The following AKAP11 variants were observed in gnomAD, a reference collection of about 807,000 sequenced individuals.
AKAP11 encodes A-kinase anchoring protein 11, also known as A-kinase anchor protein 11.
In AKAP11, 36 loss-of-function variants were observed where a neutral mutation model predicts 146.1. That is an observed-to-expected ratio of 0.25 (90% CI 0.19 to 0.33). The LOEUF (loss-of-function observed/expected upper bound fraction) is 0.33, where lower values mean the gene tolerates loss of function less well. Among genes scored for constraint, AKAP11 ranks in the 10% least tolerant of loss-of-function variants. The pLI is 1.00. For synonymous variants in AKAP11, 780 were observed against 786.5 expected, an observed-to-expected ratio of 0.99 and a Z score of 0.14; for missense variants, 2,201 against 2,197.0, an observed-to-expected ratio of 1.00 and a Z score of -0.04.
intron 3 of AKAP11, among the ~76,000 whole-genome samples, chr13:42,286,989 G>A (rs1009952803): frequency 1.3e-5 from 2 of 152,132 alleles, no homozygotes; most frequent in African/African-American, 4.8e-5. Flanking sequence ...TCTTTTTCTG[G>A]ACTTCATCTT....
At chr13:42,318,695 A>G (rs927192709) in intron 12 of AKAP11, among the ~76,000 whole-genome samples, 3 of 152,230 alleles carry the variant, frequency 2.0e-5, no homozygotes, top group Admixed American at 6.5e-5. Flanking sequence ...GAAAATCCAC[A>G]TCCTTTTATT....
rs987322291 is a variant in AKAP11, at chr13:42,279,492, A to G, written c.-99-6494A>G. Among the ~76,000 whole-genome samples the G allele has an allele frequency of 5.9e-5, 9 of 152,256 alleles. 1 individual carries two copies. Among genetic ancestry groups the G allele is most frequent in the Admixed American group, 5.2e-4 (8 of 15,300 alleles). On this transcript the variant is annotated intron_variant, in intron 1 of 12. Transcript: ENST00000025301. ...CTAGTTTAATCTGTTAATTGTATCC[A>G]GTATGGTTTTCGTTTCAGTATATTT...
chr13:42,273,172 C>G (rs1246836299), intron 1 of AKAP11, among the ~76,000 whole-genome samples: 1 of 152,054 alleles, frequency 6.6e-6, no homozygotes, highest in African/African-American at 2.4e-5. Flanking sequence ...TAGCTGCTTC[C>G]CACTGTTTTA....
intron 1 of AKAP11, among the ~76,000 whole-genome samples, chr13:42,280,891 C>T (rs1344023225): frequency 1.3e-5 from 2 of 152,164 alleles, no homozygotes; most frequent in Non-Finnish European, 2.9e-5. Flanking sequence ...GCGAGGTAGT[C>T]TGTAGGAATT....
In AKAP11 at chr13:42,298,625, T is replaced by C; in HGVS notation, c.444T>C (p.Tyr148=). 15 of 1,612,418 alleles carry C rather than the reference T, an allele frequency of 9.3e-6. No homozygotes were observed. The highest frequency in any genetic ancestry group is 1.3e-5 in the Non-Finnish European group (15 of 1,179,354). ...TTATCTTTAGTCTCCTAAGTAAATA[T>C]GCTACTGGTATAAGGTACACCTTGG... ...IDFIFSLLSK[Y]ATGIRYTLDT... is the part of the protein sequence containing the mutation. Residue 148 remains tyrosine (Y), a synonymous_variant, in exon 7 of 13, where the codon TAT becomes TAC. Coordinates refer to ENST00000025301, the MANE Select transcript of AKAP11 (RefSeq NM_016248.4).
Position 42,300,440 on chromosome 13 carries a change from C to A in AKAP11, c.1694C>A (p.Ala565Glu). ...ADLVEKSFGS[A>E]FKDLQKGVSS... is the part of the protein sequence containing the mutation. ...CTTGTGGAAAAAAGTTTTGGCAGTGCATTTAAAGACTTACAGAAAGGAGTC... is the reference window on the plus strand; with the variant it reads ...CTTGTGGAAAAAAGTTTTGGCAGTGAATTTAAAGACTTACAGAAAGGAGTC... The change falls in exon 8 of 13, where the codon GCA (alanine) becomes GAA (glutamate). Residue 565 changes from alanine to glutamate, a missense_variant. By Grantham distance (107) the Ala-to-Glu change is moderately radical (BLOSUM62 -1). Transcript: ENST00000025301. 6.2e-7 allele frequency: 1 copy of A among 1,613,714 alleles called. No homozygotes were observed. The highest frequency in any genetic ancestry group is 1.3e-5 in the African/African-American group (1 of 74,994).
chr13:42,276,021 A>C (rs1364436417), intron 1 of AKAP11, among the ~76,000 whole-genome samples: 1 of 151,986 alleles, frequency 6.6e-6, no homozygotes, highest in Non-Finnish European at 1.5e-5. Context: ...TCTCTACCTC[A>C]CCTACCTTTC....
chr13:42,304,546 C>G (rs1210327960), intron 8 of AKAP11, among the ~76,000 whole-genome samples: 2 of 152,146 alleles, frequency 1.3e-5, no homozygotes, highest in African/African-American at 4.8e-5. Flanking sequence ...ATTTACTATT[C>G]TGAGATTAAA....
chr13:42,303,735 G>A lies in AKAP11; in HGVS notation c.4989G>A (p.Glu1663=), dbSNP rs756344628. The stretch of plus-strand genomic sequence containing the variant: ...TTGCTGAAGCCATTGAAAAAGCTGA[G>A]CGAGAGCTGAGCAGTACCAGCCTGG... ...KIVAEAIEKA[E]RELSSTSLAA... is the part of the protein sequence containing the mutation. Residue 1663 remains glutamate (E), a synonymous_variant, in exon 8 of 13, where the codon GAG becomes GAA. Transcript: ENST00000025301. The A allele has an allele frequency of 1.2e-6, 2 of 1,614,158 alleles. No individual in the cohort carries two copies. The highest frequency in any genetic ancestry group is 1.1e-5 in the South Asian group (1 of 91,080).
At chr13:42,289,205 A>G (rs1959187610) in intron 3 of AKAP11, among the ~76,000 whole-genome samples, 1 of 152,142 alleles carries the variant, frequency 6.6e-6, no homozygotes, top group South Asian at 2.1e-4. Flanking sequence ...TCCTAATTCT[A>G]CCATTCCTTT....
rs1959905191 is a variant in AKAP11, at chr13:42,301,493, C to T, written c.2747C>T (p.Pro916Leu). The T allele has an allele frequency of 6.2e-7, 1 of 1,613,822 alleles. No homozygotes were observed. The highest frequency in any genetic ancestry group is 8.5e-7 in the Non-Finnish European group (1 of 1,179,918). ...ACTAAATCTTTAAAGGAGAAAACCC[C>T]TCCATTTTCCCACTGTGATCAGGCA... is the stretch of plus-strand genomic sequence containing the variant. ...YLTKSLKEKT[P>L]PFSHCDQAVL... Residue 916 changes from proline to leucine, a missense_variant, in exon 8 of 13, where the codon CCT becomes CTT. Transcript: ENST00000025301.
At chr13:42,276,923 G>A (rs147504310) in intron 1 of AKAP11, among the ~76,000 whole-genome samples, 2 of 152,124 alleles carry the variant, frequency 1.3e-5, no homozygotes, top group Non-Finnish European at 2.9e-5. Flanking sequence ...TGTGTTCCTG[G>A]GTTAAAATTC....
chr13:42,297,522 T>G (rs189461590), intron 6 of AKAP11, among the ~76,000 whole-genome samples: 1 of 152,094 alleles, frequency 6.6e-6, no homozygotes, highest in Admixed American at 6.5e-5. Flanking sequence ...TATGGCCAAT[T>G]TCAAATTTAT....
At chr13:42,288,020 C>T (rs1022457696) in intron 3 of AKAP11, among the ~76,000 whole-genome samples, 1 of 152,116 alleles carries the variant, frequency 6.6e-6, no homozygotes, top group Admixed American at 6.5e-5. Context: ...TTATTGGAAT[C>T]CCTTTTAGAT....
Position 42,302,093 on chromosome 13 carries a change from A to C in AKAP11, c.3347A>C (p.Asp1116Ala), listed in dbSNP as rs1959954753. 6.2e-7 allele frequency: 1 copy of C among 1,614,194 alleles called. No homozygotes were observed. Among genetic ancestry groups the C allele is most frequent in the Non-Finnish European group, 8.5e-7 (1 of 1,180,020 alleles). The stretch of plus-strand genomic sequence containing the variant: ...CCATCCCGGGCTAGTTCTGAATGGG[A>C]TATCAAGAAGTTAACTAAAAAGCTC... ...LVPSRASSEWDIKKLTKKLKG... is the reference protein window; with the variant it reads ...LVPSRASSEWAIKKLTKKLKG... Residue 1116 changes from aspartate to alanine, a missense_variant, in exon 8 of 13, where the codon GAT becomes GCT. By Grantham distance (126) the Asp-to-Ala change is moderately radical (BLOSUM62 -2). Around this residue, in one of 3 missense-constraint regions of AKAP11, gnomAD observed 1,867 missense variants for 1,833.5 expected, o/e 1.02. Coordinates refer to ENST00000025301, the MANE Select transcript of AKAP11 (RefSeq NM_016248.4).
At chr13:42,296,172 T>G (rs1959501050) in intron 5 of AKAP11, among the ~76,000 whole-genome samples, 1 of 152,138 alleles carries the variant, frequency 6.6e-6, no homozygotes, top group Non-Finnish European at 1.5e-5. Context: ...TCTTAAAAAT[T>G]TGTGATTCCT....
intron 8 of AKAP11, among the ~76,000 whole-genome samples, chr13:42,308,058 T>C (rs1417800989): frequency 6.6e-6 from 1 of 152,198 alleles, no homozygotes. Flanking sequence ...ACTTTTTTGT[T>C]CTTAAAGCCA....
intron 8 of AKAP11, among the ~76,000 whole-genome samples, chr13:42,305,258 C>G (rs898434488): frequency 6.6e-6 from 1 of 152,146 alleles, no homozygotes; most frequent in Non-Finnish European, 1.5e-5. Flanking sequence ...TCTGTTAAAG[C>G]CATGACATGG....
At chr13:42,292,189 T>C (rs936062912) in intron 3 of AKAP11, among the ~76,000 whole-genome samples, 196 bp from the exon 4 acceptor site, 7 of 152,328 alleles carry the variant, frequency 4.6e-5, no homozygotes, top group African/African-American at 1.4e-4. Flanking sequence ...GTTTTGGGCA[T>C]GTGAAACTCT....
Sources: gnomAD v4.1 joint callset for allele counts (sites outside exome capture counted in the v4.1 genomes callset) on GRCh38, gnomAD v4.1.1 for gene constraint, gnomAD v4.1.1 regional missense constraint, MANE v1.5 for transcripts, NCBI Gene and HGNC (gene_info 2026-07-23, HGNC 2026-07-21) for gene names.